The following DCC variants were observed in gnomAD, a reference collection of about 807,000 sequenced individuals.
DCC encodes DCC netrin 1 receptor.
Under a neutral mutation model 172.5 loss-of-function variants are expected in DCC, and 58 were observed. The observed-to-expected ratio is 0.34, with a 90% CI of 0.27 to 0.42. The LOEUF is 0.42. Ranked by LOEUF, DCC falls within the 10% of genes least tolerant of loss-of-function variation. The probability of loss-of-function intolerance (pLI) is 1.00; values close to 1 mark genes in which losing one functional copy is unlikely to be tolerated. For missense variants in DCC, 1,740 were observed against 1,791.0 expected (o/e 0.97, Z 0.51); for synonymous variants, 709 against 644.5 (o/e 1.10, Z -1.52).
At chr18:53,414,478 A>G (rs1910181374) in intron 20 of DCC, among the ~76,000 whole-genome samples, 1 of 152,156 alleles carries the variant, frequency 6.6e-6, no homozygotes, top group Admixed American at 6.6e-5. Flanking sequence ...TGAATTGCAT[A>G]CATTAAATAT....
At chr18:53,304,077 C>T (rs1024876948) in intron 12 of DCC, among the ~76,000 whole-genome samples, 1 of 152,114 alleles carries the variant, frequency 6.6e-6, no homozygotes, top group Non-Finnish European at 1.5e-5. Flanking sequence ...TTCTTTTCTG[C>T]CACACTGCTC....
At chr18:53,211,747 AT>A (rs1476399810) in intron 11 of DCC, among the ~76,000 whole-genome samples, 3 of 151,926 alleles carry the variant, frequency 2.0e-5, no homozygotes, top group Admixed American at 2.0e-4. Context: ...AATAAAATAA[AT>A]ATAAAATAAA....
In DCC at chr18:53,064,145, G is replaced by A. The variant is rs541291056; in HGVS notation, c.1140+686G>A. On this transcript the variant is annotated intron_variant, in intron 6 of 28. Transcript: ENST00000442544. ...TTCATTTTCTATCCCTATTGTGGGAGATAATAGGGATAGTGGTACTCTATT... is the reference window on the plus strand; with the variant it reads ...TTCATTTTCTATCCCTATTGTGGGAAATAATAGGGATAGTGGTACTCTATT... Among the ~76,000 whole-genome samples, 9 of 152,262 alleles carry A rather than the reference G, an allele frequency of 5.9e-5. No homozygotes were observed. In the East Asian group the frequency reaches 1.5e-3, roughly 26 times the overall value.
At chr18:53,078,481 G>A (rs2042752210) in intron 7 of DCC, among the ~76,000 whole-genome samples, 1 of 152,078 alleles carries the variant, frequency 6.6e-6, no homozygotes, top group Admixed American at 6.6e-5. Context: ...ATCTTACGAG[G>A]ATGGTAGTGT....
intron 2 of DCC, among the ~76,000 whole-genome samples, chr18:52,761,136 C>T (rs1396273940): frequency 1.3e-5 from 2 of 152,162 alleles, no homozygotes; most frequent in Non-Finnish European, 2.9e-5. Flanking sequence ...GCCTCACAAT[C>T]ATGGCGGAAG....
chr18:52,985,370 C>G (rs920617872), intron 5 of DCC, among the ~76,000 whole-genome samples: 1 of 152,030 alleles, frequency 6.6e-6, no homozygotes, highest in Non-Finnish European at 1.5e-5. Context: ...AATAATTTTC[C>G]CTCAGAACTC....
At chr18:52,842,558 T>A (rs1347716344) in intron 2 of DCC, among the ~76,000 whole-genome samples, 1 of 152,206 alleles carries the variant, frequency 6.6e-6, no homozygotes, top group Non-Finnish European at 1.5e-5. Context: ...TAAGCTCTTC[T>A]GGAAACACCC....
intron 1 of DCC, among the ~76,000 whole-genome samples, chr18:52,681,179 A>C (rs2035744106): frequency 6.6e-6 from 1 of 152,070 alleles, no homozygotes; most frequent in African/African-American, 2.4e-5. Context: ...AGACAAGTCA[A>C]ATGGTATTTC....
intron 1 of DCC, among the ~76,000 whole-genome samples, chr18:52,580,849 C>G (rs1159177107): frequency 1.3e-5 from 2 of 152,178 alleles, no homozygotes; most frequent in African/African-American, 4.8e-5. Context: ...CTAAGCCCTG[C>G]CTTTTAACCA....
At chr18:53,478,890 G>T (rs191177453) in intron 25 of DCC, among the ~76,000 whole-genome samples, 2 of 152,322 alleles carry the variant, frequency 1.3e-5, no homozygotes, top group Non-Finnish European at 2.9e-5. Flanking sequence ...TACACAAATG[G>T]ACATTGAGAG....
intron 1 of DCC, among the ~76,000 whole-genome samples, chr18:52,644,292 G>A (rs749372410): frequency 2.0e-5 from 3 of 152,154 alleles, no homozygotes; most frequent in Non-Finnish European, 2.9e-5. Flanking sequence ...AAGTTAGTGT[G>A]TAGAGGCTGG....
intron 21 of DCC, among the ~76,000 whole-genome samples, chr18:53,421,858 C>T (rs528788641): frequency 1.3e-4 from 20 of 152,324 alleles, no homozygotes; most frequent in Non-Finnish European, 2.4e-4. Flanking sequence ...AAGCATCTCA[C>T]ATTTATGGCT....
chr18:53,283,178 G>T (rs1422800526), intron 12 of DCC, among the ~76,000 whole-genome samples: 1 of 152,080 alleles, frequency 6.6e-6, no homozygotes, highest in East Asian at 1.9e-4. Flanking sequence ...AAAGCAAAAA[G>T]AATAGCATTC....
At chr18:53,059,440 G>A (rs971731631) in intron 5 of DCC, among the ~76,000 whole-genome samples, 3 of 152,138 alleles carry the variant, frequency 2.0e-5, no homozygotes, top group Admixed American at 2.0e-4. Flanking sequence ...CAAGTAAGCA[G>A]TAATTTGGTC....
intron 4 of DCC, 145 bp downstream of exon 4, chr18:52,924,002 AC>A: frequency 1.4e-6 from 1 of 703,824 alleles, no homozygotes; most frequent in South Asian, 1.6e-5. Context: ...TTGGCATGAT[AC>A]AGTTATATGA....
chr18:53,511,878 G>C (rs924548456), intron 27 of DCC, among the ~76,000 whole-genome samples: 19 of 152,320 alleles, frequency 1.2e-4, no homozygotes, highest in African/African-American at 2.9e-4. Context: ...AGGCGGCAGC[G>C]AGGCTGGGGG....
chr18:53,085,697 C>T (rs1016733893), intron 7 of DCC, among the ~76,000 whole-genome samples: 1 of 151,678 alleles, frequency 6.6e-6, no homozygotes, highest in Non-Finnish European at 1.5e-5. Flanking sequence ...ATAAAGCTAA[C>T]TTCTCAGGTG....
intron 15 of DCC, among the ~76,000 whole-genome samples, chr18:53,349,365 T>C (rs2057761593): frequency 6.6e-6 from 1 of 152,172 alleles, no homozygotes; most frequent in Non-Finnish European, 1.5e-5. Context: ...GGCAAAGCCA[T>C]TCAACAAGTC....
In DCC at chr18:52,797,945, C is replaced by T. The variant is rs772353073; in HGVS notation, c.412+45571C>T. 5.5e-4 allele frequency among the ~76,000 whole-genome samples: 84 copies of T among 152,146 alleles called. 3 individuals carry two copies. The highest frequency in any genetic ancestry group is 3.4e-3 in the Middle Eastern group (1 of 292). On this transcript the variant is annotated intron_variant, in intron 2 of 28. Coordinates refer to ENST00000442544, the MANE Select transcript of DCC (RefSeq NM_005215.4). ...GTGGTGTGTGAGGCAGGCCTGTTCT[C>T]AGGCACCACTGGTGGTGGTGGGTGC...
Sources: allele counts gnomAD v4.1 joint callset (sites outside exome capture counted in the v4.1 genomes callset), GRCh38; gene constraint gnomAD v4.1.1; transcripts MANE v1.5; gene names NCBI Gene and HGNC (gene_info 2026-07-23, HGNC 2026-07-21).